Variants in ANKRD31 observed in about 807,000 individuals in gnomAD.
The protein encoded by ANKRD31 is ankyrin repeat domain-containing protein 31.
In ANKRD31, 147 loss-of-function variants were observed where a neutral mutation model predicts 186.0. The ratio of observed to expected loss-of-function variants is 0.79; its 90% CI spans 0.69 to 0.91. ANKRD31 has a LOEUF of 0.91. Ranked by LOEUF, ANKRD31 falls within the 40% of genes least tolerant of loss-of-function variation. The pLI, the probability that ANKRD31 is intolerant of heterozygous loss-of-function variation, is 0.00. For missense variants in ANKRD31, 1,986 were observed against 2,148.8 expected, an observed-to-expected ratio of 0.92 and a Z score of 1.50; for synonymous variants, 673 against 736.4, an observed-to-expected ratio of 0.91 and a Z score of 1.39.
At chr5:75,127,867 T>A (rs1749375406) in intron 17 of ANKRD31, among the ~76,000 whole-genome samples, 1 of 152,180 alleles carries the variant, frequency 6.6e-6, no homozygotes, top group Non-Finnish European at 1.5e-5. Context: ...TTTTGTAACA[T>A]TTACCCCCAA....
At chr5:75,216,415 A>G (rs1250284547) in intron 3 of ANKRD31, among the ~76,000 whole-genome samples, 1 of 152,188 alleles carries the variant, frequency 6.6e-6, no homozygotes, top group African/African-American at 2.4e-5. Flanking sequence ...TGGTACAACA[A>G]TCACATAGCA....
chr5:75,178,976 T>C (rs1320577081), intron 10 of ANKRD31, among the ~76,000 whole-genome samples: 6 of 152,084 alleles, frequency 3.9e-5, no homozygotes, highest in African/African-American at 1.4e-4. Flanking sequence ...ACAAAATTGA[T>C]AGACCTCTGG....
chr5:75,083,863 G>A (rs1005877120), intron 24 of ANKRD31, among the ~76,000 whole-genome samples: 3 of 152,202 alleles, frequency 2.0e-5, no homozygotes, highest in Non-Finnish European at 2.9e-5. Context: ...ATGCTATGAT[G>A]TAGATGATCC....
chr5:75,096,438 A>C (rs938130307), intron 22 of ANKRD31, among the ~76,000 whole-genome samples: 5 of 151,820 alleles, frequency 3.3e-5, no homozygotes, highest in African/African-American at 1.2e-4. Flanking sequence ...TAGATTGCAA[A>C]ATTTTTCTCC....
intron 3 of ANKRD31, among the ~76,000 whole-genome samples, chr5:75,221,332 G>A (rs1757287459): frequency 6.6e-6 from 1 of 151,982 alleles, no homozygotes; most frequent in Non-Finnish European, 1.5e-5. Flanking sequence ...TATTTTAAAA[G>A]ACAAAAAAAG....
chr5:75,093,012 A>T (rs1164761680), intron 22 of ANKRD31, among the ~76,000 whole-genome samples: 31 of 152,216 alleles, frequency 2.0e-4, no homozygotes, highest in Non-Finnish European at 1.5e-5. Flanking sequence ...AACTGGCAAG[A>T]GAAAGAATTA....
chr5:75,104,443 G>A lies in ANKRD31; in HGVS notation c.5116C>T (p.His1706Tyr). The A allele has an allele frequency of 1.3e-6, 2 of 1,537,176 alleles. No homozygotes were observed. Among genetic ancestry groups the A allele is most frequent in the Non-Finnish European group, 1.7e-6 (2 of 1,146,884 alleles). The change falls in exon 22 of 26, where the codon CAT (histidine) becomes TAT (tyrosine). Residue 1706 changes from histidine (H) to tyrosine (Y), a missense_variant. His to Tyr is a moderately conservative substitution (Grantham distance 83). Coordinates refer to ENST00000506364, the MANE Select transcript of ANKRD31 (RefSeq NM_001372053.1). ...GIAVLGSDTVHQMKPYLKKSV... is the reference protein window; with the variant it reads ...GIAVLGSDTVYQMKPYLKKSV... ...TTTTTAAGATATGGTTTCATCTGAT[G>A]CACTGTATCACTGCCTAAGACAGCA... is the stretch of plus-strand genomic sequence containing the variant.
At chr5:75,190,799 AC>A (rs1032008991) in intron 9 of ANKRD31, among the ~76,000 whole-genome samples, 1 of 152,092 alleles carries the variant, frequency 6.6e-6, no homozygotes, top group African/African-American at 2.4e-5. Flanking sequence ...ACAAGTATAT[AC>A]CCATGAAACC....
rs868652533 is a variant in ANKRD31, at chr5:75,159,668, A to G, written c.1708-5323T>C. Among the ~76,000 whole-genome samples, 6 of 8,010 alleles carry G rather than the reference A, an allele frequency of 7.5e-4. No homozygotes were observed. In the South Asian group the frequency reaches 0.016, roughly 21 times the overall value. The allele number at this position is 8,010 out of a possible 152,430, so 5.3% of individuals were successfully genotyped here. A position where few individuals can be genotyped will look rare whatever the true frequency, so the allele number is the denominator to read the frequency against. ...GAAAGCAAAATAAAGACATTCACAG[A>G]TAAAAAAAAAAAGCTGATAGAATTT... On this transcript the variant is annotated intron_variant, in intron 11 of 25. Coordinates refer to ENST00000506364, the MANE Select transcript of ANKRD31 (RefSeq NM_001372053.1).
At position 75,104,867 on chromosome 5, in the gene ANKRD31, C is replaced by T; in HGVS notation, c.4692G>A (p.Val1564=). The T allele has an allele frequency of 6.5e-7, 1 of 1,537,186 alleles. No individual in the cohort carries two copies. The highest frequency in any genetic ancestry group is 8.7e-7 in the Non-Finnish European group (1 of 1,146,896). Residue 1564 remains valine, a synonymous_variant, in exon 22 of 26, where the codon GTG becomes GTA. Transcript: ENST00000506364. Reference sequence around the variant, plus strand: ...CATTTCCAGAAAATTCTCCCCTTCTCACTGCCTCTGAATTTAGACAAATGT... The same window carrying T: ...CATTTCCAGAAAATTCTCCCCTTCTTACTGCCTCTGAATTTAGACAAATGT... ...NTNICLNSEA[V]RRGEFSGNDM...
intron 3 of ANKRD31, among the ~76,000 whole-genome samples, chr5:75,217,408 T>C (rs1368647066): frequency 1.3e-5 from 2 of 152,186 alleles, no homozygotes; most frequent in Admixed American, 6.5e-5. Flanking sequence ...TGCACCTGAG[T>C]TGGGTGCATA....
intron 10 of ANKRD31, among the ~76,000 whole-genome samples, chr5:75,187,757 C>T (rs1161903115): frequency 6.6e-6 from 1 of 152,084 alleles, no homozygotes; most frequent in African/African-American, 2.4e-5. Context: ...TGGGGGTGCA[C>T]TTGAAATCAC....
rs150791065 is a variant in ANKRD31, at chr5:75,169,017, T to C, written c.1669A>G (p.Thr557Ala). ...DVNIKGLYQITPLHDAVMNGH... is the reference protein window; with the variant it reads ...DVNIKGLYQIAPLHDAVMNGH... Reference sequence around the variant, plus strand: ...TTCATCACTGCATCATGTAGGGGAGTAATCTGGTATAATCCTTTGATATTT... The same window carrying C: ...TTCATCACTGCATCATGTAGGGGAGCAATCTGGTATAATCCTTTGATATTT... The change falls in exon 11 of 26, where the codon ACT (threonine) becomes GCT (alanine). Residue 557 changes from threonine (T) to alanine (A), a missense_variant. Thr to Ala is a moderately conservative substitution (Grantham distance 58). Coordinates refer to ENST00000506364, the MANE Select transcript of ANKRD31 (RefSeq NM_001372053.1). 2.7e-3 allele frequency: 4,143 copies of C among 1,536,324 alleles called. 9 individuals carry two copies. Among genetic ancestry groups the C allele is most frequent in the Non-Finnish European group, 3.4e-3 (3,864 of 1,146,350 alleles).
intron 19 of ANKRD31, among the ~76,000 whole-genome samples, 181 bp from the exon 20 acceptor site, chr5:75,112,781 T>A (rs956794239): frequency 3.3e-5 from 5 of 152,206 alleles, no homozygotes; most frequent in African/African-American, 1.2e-4. Context: ...TGTTGCAGAT[T>A]TGAACAAAAG....
chr5:75,190,095 T>C (rs1755001135), intron 9 of ANKRD31, among the ~76,000 whole-genome samples: 1 of 151,826 alleles, frequency 6.6e-6, no homozygotes, highest in Non-Finnish European at 1.5e-5. Flanking sequence ...TCACGGCTCA[T>C]TGCAGCCTCA....
intron 11 of ANKRD31, among the ~76,000 whole-genome samples, chr5:75,160,585 C>T (rs932757160): frequency 3.3e-5 from 5 of 152,172 alleles, no homozygotes; most frequent in South Asian, 2.1e-4. Flanking sequence ...CTGAGACATA[C>T]ATTGGATTCA....
At position 75,193,476 on chromosome 5, in the gene ANKRD31, T is replaced by C. The variant is rs1367766703; in HGVS notation, c.1133A>G (p.Gln378Arg). Residue 378 changes from glutamine to arginine, a missense_variant, in exon 8 of 26, where the codon CAG (glutamine) becomes CGG (arginine). By Grantham distance (43) the Gln-to-Arg change is conservative. Transcript: ENST00000506364. ...NSNSVTNSSDQETACVLRRSS... is the reference protein window; with the variant it reads ...NSNSVTNSSDRETACVLRRSS... Reference sequence around the variant, plus strand: ...TCTCCTCAACACACACGCAGTTTCCTGATCAGAGCTATTTGTCACTGAATT... The same window carrying C: ...TCTCCTCAACACACACGCAGTTTCCCGATCAGAGCTATTTGTCACTGAATT... The C allele has an allele frequency of 3.3e-6, 5 of 1,537,258 alleles. No individual in the cohort carries two copies. The highest frequency in any genetic ancestry group is 4.4e-6 in the Non-Finnish European group (5 of 1,146,798).
At chr5:75,203,249 T>G (rs1580548225) in intron 5 of ANKRD31, among the ~76,000 whole-genome samples, 1 of 151,988 alleles carries the variant, frequency 6.6e-6, no homozygotes, top group Non-Finnish European at 1.5e-5. Context: ...GGGCAGGAGG[T>G]TGGAGTTATG....
chr5:75,128,348 G>T lies in ANKRD31; in HGVS notation c.3876+9508C>A, dbSNP rs1445699186. Among the ~76,000 whole-genome samples, 4 of 68,296 alleles carry T rather than the reference G, an allele frequency of 5.9e-5. No homozygotes were observed. In the African/African-American group the frequency reaches 6.0e-4, roughly 10 times the overall value. The allele number at this position is 68,296 out of a possible 152,430, so 44.8% of individuals were successfully genotyped here. On this transcript the variant is annotated intron_variant, in intron 17 of 25. Coordinates refer to ENST00000506364, the MANE Select transcript of ANKRD31 (RefSeq NM_001372053.1). ...GATGCAGCAAACCACCATGGCACAT[G>T]TATACTTACGTAACAAACCTGCACG...
Sources: allele counts gnomAD v4.1 joint callset (sites outside exome capture counted in the v4.1 genomes callset), GRCh38; gene constraint gnomAD v4.1.1; transcripts MANE v1.5; gene names NCBI Gene and HGNC (gene_info 2026-07-23, HGNC 2026-07-21).